Variants in EPHA6 observed in about 807,000 individuals in gnomAD.
The protein encoded by EPHA6 is EPH receptor A6.
In EPHA6, 50 loss-of-function variants were observed where a neutral mutation model predicts 112.0. The observed-to-expected ratio is 0.45, with a 90% CI of 0.36 to 0.56. The LOEUF (loss-of-function observed/expected upper bound fraction) is 0.56, where lower values mean the gene tolerates loss of function less well. Among genes scored for constraint, EPHA6 ranks in the 20% least tolerant of loss-of-function variants. The pLI is 0.00. For missense variants in EPHA6, 1,280 were observed against 1,417.4 expected, an observed-to-expected ratio of 0.90 and a Z score of 1.56; for synonymous variants, 529 against 490.7, an observed-to-expected ratio of 1.08 and a Z score of -1.03.
At chr3:97,245,114 T>C (rs1393490339) in intron 5 of EPHA6, among the ~76,000 whole-genome samples, 1 of 152,046 alleles carries the variant, frequency 6.6e-6, no homozygotes, top group Non-Finnish European at 1.5e-5. Flanking sequence ...AAGATAAAAC[T>C]ATTTTTATAC....
chr3:97,713,791 T>C (rs2034091532), intron 14 of EPHA6, among the ~76,000 whole-genome samples: 1 of 152,218 alleles, frequency 6.6e-6, no homozygotes, highest in African/African-American at 2.4e-5. Flanking sequence ...ACAATCCTTA[T>C]CAGGCTGGTC....
At chr3:97,422,561 G>C (rs1004705582) in intron 6 of EPHA6, among the ~76,000 whole-genome samples, 1 of 152,222 alleles carries the variant, frequency 6.6e-6, no homozygotes, top group South Asian at 2.1e-4. Flanking sequence ...TGTTTGAGAC[G>C]TAAAATCAGC....
chr3:97,562,373 A>C (rs1560140479), intron 11 of EPHA6, among the ~76,000 whole-genome samples: 2 of 152,280 alleles, frequency 1.3e-5, no homozygotes, highest in Non-Finnish European at 2.9e-5. Context: ...GTTTGGAAGA[A>C]GTTAATTCCA....
chr3:96,956,162 A>G (rs914416892), intron 2 of EPHA6, among the ~76,000 whole-genome samples: 13 of 152,180 alleles, frequency 8.5e-5, no homozygotes, highest in Non-Finnish European at 1.8e-4. Flanking sequence ...ATCTCTTCAT[A>G]AGTATATTCC....
At chr3:97,363,811 A>T (rs148741599) in intron 5 of EPHA6, among the ~76,000 whole-genome samples, 1 of 152,260 alleles carries the variant, frequency 6.6e-6, no homozygotes, top group East Asian at 1.9e-4. Context: ...ACAATTGAAA[A>T]ATATACATCC....
At chr3:96,835,495 A>T (rs2107297168) in intron 1 of EPHA6, among the ~76,000 whole-genome samples, 1 of 152,148 alleles carries the variant, frequency 6.6e-6, no homozygotes, top group African/African-American at 2.4e-5. Context: ...TGGAAAATTC[A>T]TATGGGGCAG....
intron 3 of EPHA6, among the ~76,000 whole-genome samples, chr3:97,181,291 G>C (rs550345623): frequency 7.2e-5 from 11 of 152,188 alleles, no homozygotes; most frequent in African/African-American, 2.4e-4. Flanking sequence ...CATCTCTTCA[G>C]TGCCTCTTTC....
At chr3:97,082,299 A>G (rs1165604807) in intron 3 of EPHA6, among the ~76,000 whole-genome samples, 1 of 151,938 alleles carries the variant, frequency 6.6e-6, no homozygotes, top group East Asian at 1.9e-4. Flanking sequence ...AAAATTGTTT[A>G]TGAATCAGAT....
chr3:97,036,496 C>A (rs2045101034), intron 3 of EPHA6, among the ~76,000 whole-genome samples: 1 of 151,904 alleles, frequency 6.6e-6, no homozygotes, highest in African/African-American at 2.4e-5. Flanking sequence ...ATCTTTCTGG[C>A]AATTTTCTTA....
At chr3:97,327,724 T>C (rs2108806041) in intron 5 of EPHA6, among the ~76,000 whole-genome samples, 1 of 151,888 alleles carries the variant, frequency 6.6e-6, no homozygotes, top group Admixed American at 6.6e-5. Flanking sequence ...AATCATACAG[T>C]ATATAACTTT....
At chr3:97,099,984 CAAAGG>C in intron 3 of EPHA6, among the ~76,000 whole-genome samples, 1 of 152,002 alleles carries the variant, frequency 6.6e-6, no homozygotes, top group Non-Finnish European at 1.5e-5. Context: ...AAATTAAAAA[CAAAGG>C]AGTGTCTCCA....
In EPHA6 at chr3:97,532,531, G is replaced by A. The variant is rs770621500; in HGVS notation, c.2374G>A (p.Val792Ile). ...TCCAAACATCATTCGCCTAGAAGGG[G>A]TTGTCACCAAAAGTAAGTTACTGAG... ...DHPNIIRLEG[V>I]VTKRSFPAIG... is the part of the protein sequence containing the mutation. The change falls in exon 11 of 18, where the codon GTT becomes ATT. Residue 792 changes from valine to isoleucine, a missense_variant. Around this residue, in one of 4 missense-constraint regions of EPHA6, gnomAD observed 878 missense variants for 999.7 expected, o/e 0.88. Coordinates refer to ENST00000389672, the MANE Select transcript of EPHA6 (RefSeq NM_001080448.3). 1.9e-6 allele frequency: 3 copies of A among 1,598,510 alleles called. No homozygotes were observed. The highest frequency in any genetic ancestry group is 1.4e-5 in the African/African-American group (1 of 73,878).
intron 7 of EPHA6, among the ~76,000 whole-genome samples, chr3:97,452,702 GT>G: frequency 6.6e-6 from 1 of 151,534 alleles, no homozygotes; most frequent in South Asian, 2.1e-4. Flanking sequence ...TTAGAAGCTA[GT>G]AAAAATTTTC....
chr3:97,536,685 A>T (rs2092769121), intron 11 of EPHA6, among the ~76,000 whole-genome samples: 2 of 152,210 alleles, frequency 1.3e-5, no homozygotes, highest in South Asian at 4.1e-4. Context: ...ACATTTTAGT[A>T]CTTGCACAAA....
At chr3:97,074,292 G>A (rs1056689646) in intron 3 of EPHA6, among the ~76,000 whole-genome samples, 2 of 151,848 alleles carry the variant, frequency 1.3e-5, no homozygotes, top group Non-Finnish European at 2.9e-5. Flanking sequence ...TACAATGAAA[G>A]TTAGTATGTC....
At chr3:97,408,412 T>C (rs2107095152) in intron 6 of EPHA6, among the ~76,000 whole-genome samples, 1 of 152,040 alleles carries the variant, frequency 6.6e-6, no homozygotes, top group East Asian at 1.9e-4. Flanking sequence ...TTTTCTCTTC[T>C]CCTCCCTACT....
chr3:97,559,651 A>C (rs1206065004), intron 11 of EPHA6: 2 of 455,272 alleles, frequency 4.4e-6, no homozygotes, highest in Non-Finnish European at 8.8e-6. Context: ...TTTCTAAAGA[A>C]GTAAATCAAG....
chr3:97,141,802 C>T (rs1334927567), intron 3 of EPHA6, among the ~76,000 whole-genome samples: 1 of 151,964 alleles, frequency 6.6e-6, no homozygotes, highest in African/African-American at 2.4e-5. Context: ...AAACCCGACA[C>T]TAGCAGAAGA....
intron 5 of EPHA6, among the ~76,000 whole-genome samples, chr3:97,254,355 A>AT (rs1385616620): frequency 2.0e-5 from 3 of 151,966 alleles, no homozygotes; most frequent in South Asian, 4.2e-4. Context: ...CGCCAGGGTA[A>AT]TTTTTTGTAT....
Sources: allele counts gnomAD v4.1 joint callset (sites outside exome capture counted in the v4.1 genomes callset), GRCh38; gene constraint gnomAD v4.1.1; regional missense constraint gnomAD v4.1.1; transcripts MANE v1.5; gene names NCBI Gene and HGNC (gene_info 2026-07-23, HGNC 2026-07-21).